Variants in SYNJ1 observed in about 807,000 individuals in gnomAD.
SYNJ1 encodes synaptojanin 1, also known as polyphosphatidylinositol phosphatase SYNJ1.
Under a neutral mutation model 168.2 loss-of-function variants are expected in SYNJ1, and 78 were observed. The observed-to-expected ratio is 0.46, with a 90% CI of 0.39 to 0.56. The LOEUF (loss-of-function observed/expected upper bound fraction) is 0.56. Among genes scored for constraint, SYNJ1 ranks in the 20% least tolerant of loss-of-function variants. The pLI, the probability that SYNJ1 is intolerant of heterozygous loss-of-function variation, is 0.00. For synonymous variants in SYNJ1, 539 were observed against 548.6 expected (o/e 0.98, Z 0.24); for missense variants, 1,303 against 1,597.6 (o/e 0.82, Z 3.14).
chr21:32,722,572 G>A (rs991887432), intron 2 of SYNJ1, among the ~76,000 whole-genome samples: 5 of 151,998 alleles, frequency 3.3e-5, no homozygotes, highest in East Asian at 1.9e-4. Context: ...AAAAATTTAC[G>A]GAAAAATATC....
chr21:32,639,019 T>C lies in SYNJ1; in HGVS notation c.3804A>G (p.Ala1268=). ...QRLQEPLVPV[A]APMPQSGPQP... ...GGGGGCCAGACTGAGGCATAGGTGCTGCCACAGGGACAAGAGGCTCTTGCA... is the reference window on the plus strand; with the variant it reads ...GGGGGCCAGACTGAGGCATAGGTGCCGCCACAGGGACAAGAGGCTCTTGCA... The change falls in exon 31 of 33, where the codon GCA becomes GCG. Residue 1268 remains alanine, a synonymous_variant. Transcript: ENST00000674351. 6.2e-7 allele frequency: 1 copy of C among 1,614,084 alleles called. No individual in the cohort carries two copies. The highest frequency in any genetic ancestry group is 8.5e-7 in the Non-Finnish European group (1 of 1,179,988).
At chr21:32,711,487 C>G (rs1476405131) in intron 2 of SYNJ1, among the ~76,000 whole-genome samples, 1 of 152,110 alleles carries the variant, frequency 6.6e-6, no homozygotes, top group Non-Finnish European at 1.5e-5. Flanking sequence ...CGCGCGCCAC[C>G]ATGCCCAGCT....
chr21:32,662,267 T>G (rs1487871621), intron 18 of SYNJ1, among the ~76,000 whole-genome samples: 1 of 152,148 alleles, frequency 6.6e-6, no homozygotes, highest in Non-Finnish European at 1.5e-5. Flanking sequence ...TTCCTTATAA[T>G]TTGGACTTGT....
At chr21:32,703,158 T>G (rs1040739864) in intron 2 of SYNJ1, among the ~76,000 whole-genome samples, 1 of 152,266 alleles carries the variant, frequency 6.6e-6, no homozygotes. Context: ...TTTGCTCTGC[T>G]AGTTGCAGCA....
chr21:32,635,622 T>C (rs1046600321), intron 31 of SYNJ1, among the ~76,000 whole-genome samples: 12 of 152,176 alleles, frequency 7.9e-5, no homozygotes, highest in African/African-American at 2.9e-4. Flanking sequence ...CCTAGGGATG[T>C]CATTATTAGA....
At chr21:32,690,684 A>G (rs1408315884) in intron 6 of SYNJ1, among the ~76,000 whole-genome samples, 1 of 151,432 alleles carries the variant, frequency 6.6e-6, no homozygotes, top group Non-Finnish European at 1.5e-5. Flanking sequence ...TGAGGTCAGG[A>G]GTTCGAGACC....
At position 32,666,066 on chromosome 21, in the gene SYNJ1, G is replaced by A. The variant is rs1430098441; in HGVS notation, c.2022C>T (p.Ile674=). ...GATGNKGAVA[I]RMLFHTTSLC... ...GGCTGGTTGTATGGAAGAGCATTCGGATTGCAACTGCTCCCTTATTTCCAG... is the reference window on the plus strand; with the variant it reads ...GGCTGGTTGTATGGAAGAGCATTCGAATTGCAACTGCTCCCTTATTTCCAG... Residue 674 remains isoleucine (I), a synonymous_variant, in exon 17 of 33, where the codon ATC becomes ATT. Coordinates refer to ENST00000674351, the MANE Select transcript of SYNJ1 (RefSeq NM_203446.3). 10 of 1,613,976 alleles carry A rather than the reference G, an allele frequency of 6.2e-6. No homozygotes were observed. The highest frequency in any genetic ancestry group is 8.5e-6 in the Non-Finnish European group (10 of 1,179,924).
At position 32,681,641 on chromosome 21, in the gene SYNJ1, G is replaced by A. The variant is rs2146048014; in HGVS notation, c.1208C>T (p.Ala403Val). The change falls in exon 11 of 33, where the codon GCT (alanine) becomes GTT (valine). Residue 403 changes from alanine to valine, a missense_variant. By Grantham distance (64) the Ala-to-Val change is moderately conservative. This residue lies in a region of SYNJ1 where 920 missense variants were observed against 1,208.8 expected (regional missense o/e 0.76). Transcript: ENST00000674351. ...VQAFLGLEML[A>V]KQLEALGLAE... ...TAAACCAAGAGCTTCCAACTGTTTAGCTAGCATCTTAAAAAGCAAACAAGA... is the reference window on the plus strand; with the variant it reads ...TAAACCAAGAGCTTCCAACTGTTTAACTAGCATCTTAAAAAGCAAACAAGA... 1 of 1,607,376 alleles carries A rather than the reference G, an allele frequency of 6.2e-7. No homozygotes were observed. Among genetic ancestry groups the A allele is most frequent in the Admixed American group, 1.7e-5 (1 of 58,454 alleles).
intron 4 of SYNJ1, among the ~76,000 whole-genome samples, chr21:32,699,582 G>A (rs2042326068): frequency 6.6e-6 from 1 of 152,046 alleles, no homozygotes; most frequent in Non-Finnish European, 1.5e-5. Context: ...TTTCCAACAC[G>A]TATACCACCC....
At chr21:32,655,983 G>A (rs1310226486) in intron 21 of SYNJ1, among the ~76,000 whole-genome samples, 6 of 152,248 alleles carry the variant, frequency 3.9e-5, no homozygotes, top group Middle Eastern at 6.8e-3. Context: ...CTTTAACTGA[G>A]GCAGGGAGGG....
At chr21:32,701,528 C>T (rs1444871350) in intron 3 of SYNJ1, among the ~76,000 whole-genome samples, 2 of 150,042 alleles carry the variant, frequency 1.3e-5, no homozygotes, top group East Asian at 3.9e-4. Flanking sequence ...CTGCAGCTCA[C>T]GGTGACATTA....
At position 32,673,108 on chromosome 21, in the gene SYNJ1, A is replaced by G. The variant is rs1012642749; in HGVS notation, c.1726+232T>C. ...CCTGAGAATCAATTATGGAAAAAAG[A>G]TTTTTTGTTTTACCATCATATATTT... On this transcript the variant is annotated intron_variant, in intron 14 of 32. Coordinates refer to ENST00000674351, the MANE Select transcript of SYNJ1 (RefSeq NM_203446.3). Among the ~76,000 whole-genome samples, 7 of 152,178 alleles carry G rather than the reference A, an allele frequency of 4.6e-5. 1 individual carries two copies. In the South Asian group the frequency reaches 1.4e-3, roughly 32 times the overall value.
chr21:32,668,240 G>C (rs1006078374), intron 15 of SYNJ1, among the ~76,000 whole-genome samples: 13 of 151,982 alleles, frequency 8.6e-5, no homozygotes, highest in African/African-American at 2.9e-4. Flanking sequence ...TGATTTTTTT[G>C]TATTTTTAGT....
chr21:32,639,887 T>C (rs1160801339), intron 29 of SYNJ1, 108 bp from the exon 30 acceptor site: 2 of 856,070 alleles, frequency 2.3e-6, no homozygotes, highest in African/African-American at 3.4e-5. Context: ...ATGGTATTAG[T>C]CCCTAATTTG....
At chr21:32,728,057 G>T (rs1383186205), upstream of SYNJ1, 1 of 1,526,730 alleles carries the variant, frequency 6.5e-7, no homozygotes, top group Non-Finnish European at 8.8e-7. Flanking sequence ...GCGGCCGGGG[G>T]CGGAAGATCC....
intron 2 of SYNJ1, among the ~76,000 whole-genome samples, chr21:32,704,307 T>G (rs2042522498): frequency 6.6e-6 from 1 of 152,152 alleles, no homozygotes; most frequent in African/African-American, 2.4e-5. Flanking sequence ...CACACACACC[T>G]TAAAGTGCAT....
chr21:32,698,687 A>G (rs1030060276), intron 4 of SYNJ1, among the ~76,000 whole-genome samples: 20 of 152,208 alleles, frequency 1.3e-4, no homozygotes, highest in Admixed American at 4.6e-4. Flanking sequence ...TACTTAGAAT[A>G]CAGCACAGTT....
At chr21:32,633,527 C>T (rs772981722) in intron 32 of SYNJ1, among the ~76,000 whole-genome samples, 3 of 151,760 alleles carry the variant, frequency 2.0e-5, no homozygotes, top group African/African-American at 4.8e-5. Context: ...GGGTTGGATA[C>T]GATAGGGCAA....
rs780568261 is a variant in SYNJ1, at chr21:32,638,909, T to C, written c.3914A>G (p.Gln1305Arg). ...SLPSEASSQP[Q>R]QEQPSG ...TTTTGTGTAACAAATGAGACTTACTTGCGGTTGTGAGGAAGCTTCTGAAGG... is the reference window on the plus strand; with the variant it reads ...TTTTGTGTAACAAATGAGACTTACTCGCGGTTGTGAGGAAGCTTCTGAAGG... The change falls in exon 31 of 33, where the codon CAA (glutamine) becomes CGA (arginine). Residue 1305 changes from glutamine to arginine, a missense_variant and splice_region_variant. Transcript: ENST00000674351. The C allele has an allele frequency of 1.9e-6, 3 of 1,595,304 alleles. No individual in the cohort carries two copies. Among genetic ancestry groups the C allele is most frequent in the Non-Finnish European group, 1.7e-6 (2 of 1,168,222 alleles).
Sources: gnomAD v4.1 joint callset for allele counts (sites outside exome capture counted in the v4.1 genomes callset) on GRCh38, gnomAD v4.1.1 for gene constraint, gnomAD v4.1.1 regional missense constraint, MANE v1.5 for transcripts, NCBI Gene and HGNC (gene_info 2026-07-23, HGNC 2026-07-21) for gene names.